The following MCTP1 variants were observed in gnomAD, a reference collection of about 807,000 sequenced individuals.
The protein encoded by MCTP1 is multiple C2 and transmembrane domain containing 1.
In MCTP1, 69 loss-of-function variants were observed where a neutral mutation model predicts 120.6. The ratio of observed to expected loss-of-function variants is 0.57; its 90% CI spans 0.47 to 0.70. MCTP1 has a LOEUF of 0.70. MCTP1 is among the 30% of genes least tolerant of loss of function. The pLI, the probability that MCTP1 is intolerant of heterozygous loss-of-function variation, is 0.00. For synonymous variants in MCTP1, 529 were observed against 493.1 expected, an observed-to-expected ratio of 1.07 and a Z score of -0.96; for missense variants, 1,203 against 1,248.8, an observed-to-expected ratio of 0.96 and a Z score of 0.55.
At chr5:94,955,380 C>T (rs1031577324) in intron 2 of MCTP1, among the ~76,000 whole-genome samples, 6 of 152,076 alleles carry the variant, frequency 3.9e-5, no homozygotes, top group Admixed American at 2.6e-4. Context: ...AGTCTTTTTT[C>T]GTACCCCAGT....
intron 1 of MCTP1, among the ~76,000 whole-genome samples, chr5:95,230,324 G>C (rs72779492): frequency 6.6e-6 from 1 of 151,806 alleles, no homozygotes; most frequent in Admixed American, 6.6e-5. Context: ...TATTAACCCC[G>C]TTTTACAGAT....
chr5:95,075,417 C>A (rs973089045), intron 1 of MCTP1, among the ~76,000 whole-genome samples: 5 of 152,070 alleles, frequency 3.3e-5, no homozygotes, highest in Admixed American at 6.6e-5. Context: ...TTTTAGTTAA[C>A]CTTCTCCTTA....
At chr5:95,005,404 T>A (rs1045309402) in intron 2 of MCTP1, among the ~76,000 whole-genome samples, 1 of 132,740 alleles carries the variant, frequency 7.5e-6, no homozygotes, top group Non-Finnish European at 1.6e-5. Flanking sequence ...TTTTAAAATG[T>A]GAGAAGGACA....
At chr5:94,953,162 A>G (rs563230912) in intron 3 of MCTP1, 57 bp downstream of exon 3, 16 of 1,496,182 alleles carry the variant, frequency 1.1e-5, no homozygotes, top group African/African-American at 4.2e-5. Flanking sequence ...GATAAAACCC[A>G]GTAAACAGGG....
intron 17 of MCTP1, among the ~76,000 whole-genome samples, chr5:94,837,611 A>G (rs935162051): frequency 5.3e-5 from 8 of 152,250 alleles, no homozygotes; most frequent in Non-Finnish European, 1.0e-4. Context: ...GGTACATGGT[A>G]TAAGCCCAAC....
At chr5:95,168,368 T>A (rs1044310784) in intron 1 of MCTP1, among the ~76,000 whole-genome samples, 2 of 152,200 alleles carry the variant, frequency 1.3e-5, no homozygotes, top group African/African-American at 4.8e-5. Flanking sequence ...AGGATTGACT[T>A]GGCAATGTGG....
intron 1 of MCTP1, among the ~76,000 whole-genome samples, chr5:95,259,378 C>G (rs912798609): frequency 6.6e-6 from 1 of 152,128 alleles, no homozygotes; most frequent in African/African-American, 2.4e-5. Flanking sequence ...GCCCAATATG[C>G]CTGGAACAGT....
chr5:94,887,979 C>T (rs983469931), intron 12 of MCTP1, among the ~76,000 whole-genome samples: 5 of 152,048 alleles, frequency 3.3e-5, no homozygotes, highest in Non-Finnish European at 7.4e-5. Context: ...AGTTTGTTAC[C>T]TCATTAGGAT....
chr5:95,028,899 C>A (rs906146154), intron 1 of MCTP1, among the ~76,000 whole-genome samples: 11 of 152,176 alleles, frequency 7.2e-5, no homozygotes, highest in African/African-American at 2.7e-4. Flanking sequence ...CGGTGGCTCA[C>A]GCCTGTAATC....
At chr5:95,144,529 G>A (rs1374063101) in intron 1 of MCTP1, among the ~76,000 whole-genome samples, 2 of 152,018 alleles carry the variant, frequency 1.3e-5, no homozygotes, top group African/African-American at 4.8e-5. Flanking sequence ...TACAGTTTGA[G>A]GTCTTACCCT....
At chr5:94,970,568 C>T (rs753184371) in intron 2 of MCTP1, among the ~76,000 whole-genome samples, 20 of 151,824 alleles carry the variant, frequency 1.3e-4, no homozygotes, top group Non-Finnish European at 2.4e-4. Context: ...GTCATTTTTT[C>T]CAAAGGGCCT....
chr5:95,000,189 A>T (rs1335843808), intron 2 of MCTP1, among the ~76,000 whole-genome samples: 5 of 152,196 alleles, frequency 3.3e-5, no homozygotes, highest in African/African-American at 7.2e-5. Flanking sequence ...TGGCAAACTG[A>T]TGTAAAGCTA....
intron 1 of MCTP1, among the ~76,000 whole-genome samples, chr5:95,046,384 A>G (rs1252840422): frequency 6.6e-6 from 1 of 152,202 alleles, no homozygotes; most frequent in Non-Finnish European, 1.5e-5. Context: ...ACTGCCTTGC[A>G]ATACCTCTAG....
intron 19 of MCTP1, among the ~76,000 whole-genome samples, chr5:94,777,921 A>AGT (rs1460355421): frequency 3.6e-5 from 3 of 82,256 alleles, no homozygotes; most frequent in African/African-American, 5.7e-5. Context: ...GAAGGGAGAA[A>AGT]GTGTGCGTGT....
chr5:94,871,318 C>T lies in MCTP1; in HGVS notation c.2136G>A (p.Leu712=). The change falls in exon 14 of 23, where the codon CTG becomes CTA. Residue 712 remains leucine (L), a synonymous_variant. Transcript: ENST00000515393. ...GTGTCAGGTGAATAAAACTTACAGA[C>T]AGCAATGGTATAGCAACTTTGCCCA... is the stretch of plus-strand genomic sequence containing the variant. ...DFLGKVAIPL[L]SIQNGEQKAY... 6.3e-7 allele frequency: 1 copy of T among 1,587,718 alleles called. No individual in the cohort carries two copies. Among genetic ancestry groups the T allele is most frequent in the Non-Finnish European group, 8.6e-7 (1 of 1,157,154 alleles).
intron 17 of MCTP1, 40 bp downstream of exon 17, chr5:94,868,293 T>A (rs756931882): frequency 2.0e-6 from 3 of 1,532,500 alleles, no homozygotes; most frequent in Non-Finnish European, 2.6e-6. Flanking sequence ...GATTACTGAA[T>A]TTAATGAATA....
chr5:94,955,341 A>G (rs7724110), intron 2 of MCTP1, among the ~76,000 whole-genome samples: 57,222 of 152,048 alleles, frequency 0.38, 10,970 homozygotes, highest in Middle Eastern at 0.43. Flanking sequence ...CTGGGCAGTC[A>G]TTTGGGCAGA....
At chr5:94,743,141 TA>T (rs11327016) in intron 19 of MCTP1, among the ~76,000 whole-genome samples, 69,112 of 138,780 alleles carry the variant, frequency 0.5, 17,180 homozygotes, top group East Asian at 0.76. Flanking sequence ...TAACCCAATG[TA>T]AAAAAAAAAA....
At chr5:94,969,350 C>G (rs1052835587) in intron 2 of MCTP1, among the ~76,000 whole-genome samples, 4 of 152,146 alleles carry the variant, frequency 2.6e-5, no homozygotes, top group African/African-American at 9.6e-5. Flanking sequence ...GGCAGCCTAT[C>G]TTCCCTTAAA....
Sources: gnomAD v4.1 joint callset for allele counts (sites outside exome capture counted in the v4.1 genomes callset) on GRCh38, gnomAD v4.1.1 for gene constraint, MANE v1.5 for transcripts, NCBI Gene and HGNC (gene_info 2026-07-23, HGNC 2026-07-21) for gene names.